The following MYO3B variants were observed in gnomAD, a reference collection of about 807,000 sequenced individuals.
The protein encoded by MYO3B is myosin-IIIb.
In MYO3B, 156 loss-of-function variants were observed where a neutral mutation model predicts 174.6. The ratio of observed to expected loss-of-function variants is 0.89; its 90% confidence interval spans 0.78 to 1.02. The LOEUF is 1.02. Among genes scored for constraint, MYO3B ranks in the 50% least tolerant of loss-of-function variants. MYO3B has a pLI of 0.00. For missense variants in MYO3B, 1,632 were observed against 1,639.4 expected, an observed-to-expected ratio of 1.00 and a Z score of 0.08; for synonymous variants, 563 against 569.1, an observed-to-expected ratio of 0.99 and a Z score of 0.15.
chr2:170,239,122 G>C (rs1280532133), intron 7 of MYO3B, among the ~76,000 whole-genome samples: 1 of 152,152 alleles, frequency 6.6e-6, no homozygotes, highest in Non-Finnish European at 1.5e-5. Context: ...TTCCCCAGGA[G>C]TTATAAGAGA....
In MYO3B at chr2:170,335,390, C is replaced by T. The variant is rs144721721; in HGVS notation, c.755C>T (p.Pro252Leu). ...AATTGCTGTTATTTTTTCAGAAATCCTCCACCTACTTTACTTCATCCAGAA... is the reference window on the plus strand; with the variant it reads ...AATTGCTGTTATTTTTTCAGAAATCTTCCACCTACTTTACTTCATCCAGAA... ...VKTLFKIPRN[P>L]PPTLLHPEKW... Residue 252 changes from proline to leucine, a missense_variant, in exon 8 of 35, where the codon CCT becomes CTT. Pro to Leu is a moderately conservative substitution (Grantham distance 98). Coordinates refer to ENST00000408978, the MANE Select transcript of MYO3B (RefSeq NM_138995.5). 61 of 1,607,894 alleles carry T rather than the reference C, an allele frequency of 3.8e-5. No homozygotes were observed. In the East Asian group the frequency reaches 9.2e-4, roughly 24 times the overall value.
At chr2:170,387,025 G>C in intron 13 of MYO3B, 81 bp from the exon 14 acceptor site, 1 of 1,374,936 alleles carries the variant, frequency 7.3e-7, no homozygotes, top group Non-Finnish European at 1.0e-6. Context: ...GTGGATTTTG[G>C]TGGGCAAGGG....
At chr2:170,207,508 C>T (rs367984878) in intron 3 of MYO3B, among the ~76,000 whole-genome samples, 15 of 152,016 alleles carry the variant, frequency 9.9e-5, no homozygotes, top group South Asian at 8.3e-4. Flanking sequence ...TTTCTGCCAT[C>T]GTGTCAGGCT....
chr2:170,605,618 G>A (rs906632430), intron 32 of MYO3B, among the ~76,000 whole-genome samples: 2 of 152,162 alleles, frequency 1.3e-5, no homozygotes, highest in African/African-American at 2.4e-5. Flanking sequence ...AGCACTTTGG[G>A]AGGCGAGGTG....
intron 9 of MYO3B, among the ~76,000 whole-genome samples, chr2:170,375,984 G>C (rs1450746988): frequency 6.6e-6 from 1 of 152,146 alleles, no homozygotes; most frequent in East Asian, 1.9e-4. Flanking sequence ...TTTTATGCTG[G>C]TGTTACTGAT....
chr2:170,479,472 T>C (rs1191285762), intron 25 of MYO3B, among the ~76,000 whole-genome samples: 1 of 145,894 alleles, frequency 6.9e-6, no homozygotes, highest in Non-Finnish European at 1.5e-5. Context: ...TACACACACA[T>C]ATATTTTAAA....
intron 7 of MYO3B, among the ~76,000 whole-genome samples, chr2:170,250,291 T>A (rs1444913934): frequency 6.6e-6 from 1 of 152,224 alleles, no homozygotes; most frequent in Non-Finnish European, 1.5e-5. Flanking sequence ...TTGTTCACAA[T>A]TGATAAGAAA....
chr2:170,561,730 C>CT (rs1691724184), intron 32 of MYO3B, among the ~76,000 whole-genome samples: 1 of 152,142 alleles, frequency 6.6e-6, no homozygotes. Flanking sequence ...GTAGATTGCT[C>CT]TTTTTTGGTT....
intron 32 of MYO3B, among the ~76,000 whole-genome samples, chr2:170,556,056 C>T (rs943610970): frequency 3.3e-5 from 5 of 151,930 alleles, no homozygotes; most frequent in South Asian, 2.1e-4. Flanking sequence ...ATTAGCTGGG[C>T]GTAATAGCAC....
chr2:170,627,834 G>C (rs1696589070), intron 32 of MYO3B, among the ~76,000 whole-genome samples: 1 of 152,208 alleles, frequency 6.6e-6, no homozygotes, highest in African/African-American at 2.4e-5. Flanking sequence ...CTGTTTGCCT[G>C]GGTATCACCA....
intron 23 of MYO3B, among the ~76,000 whole-genome samples, chr2:170,452,221 T>A (rs954290324): frequency 6.6e-6 from 1 of 151,910 alleles, no homozygotes; most frequent in African/African-American, 2.4e-5. Context: ...TCAGGTAACA[T>A]AACGTAAAAC....
At chr2:170,532,677 A>C (rs11676814) in intron 30 of MYO3B, among the ~76,000 whole-genome samples, 2 of 152,014 alleles carry the variant, frequency 1.3e-5, no homozygotes, top group Admixed American at 6.6e-5. Flanking sequence ...TTAGTCAGGC[A>C]TGGTGGCAGA....
intron 7 of MYO3B, among the ~76,000 whole-genome samples, chr2:170,298,728 A>G (rs955121363): frequency 1.1e-4 from 17 of 148,126 alleles, no homozygotes. Flanking sequence ...CTGGCATGGG[A>G]GTTTTGGATG....
At position 170,386,246 on chromosome 2, in the gene MYO3B, G is replaced by C. The variant is rs61735741; in HGVS notation, c.1348G>C (p.Val450Leu). The change falls in exon 13 of 35, where the codon GTT becomes CTT. Residue 450 changes from valine (V) to leucine (L), a missense_variant. By Grantham distance (32) the Val-to-Leu change is conservative (BLOSUM62 1). Transcript: ENST00000408978. ...GAAGACAGAAAGCGCCCACCTGATT[G>C]TTCAGCATTTGACTTTCTTGGGAAA... ...SGKTESAHLI[V>L]QHLTFLGKAN... 10 of 1,613,612 alleles carry C rather than the reference G, an allele frequency of 6.2e-6. No homozygotes were observed. The South Asian group carries it at 9.9e-5, about 16-fold the overall frequency.
At chr2:170,629,463 A>T (rs1559176953) in intron 32 of MYO3B, among the ~76,000 whole-genome samples, 1 of 152,218 alleles carries the variant, frequency 6.6e-6, no homozygotes, top group East Asian at 1.9e-4. Flanking sequence ...TAAAAGTACC[A>T]TCACCATCTA....
intron 23 of MYO3B, among the ~76,000 whole-genome samples, chr2:170,461,034 C>T (rs1684250313): frequency 6.6e-6 from 1 of 152,126 alleles, no homozygotes; most frequent in Admixed American, 6.6e-5. Context: ...TCATAAACAT[C>T]TACCAATAGA....
chr2:170,419,812 A>G (rs1202596312), intron 22 of MYO3B, among the ~76,000 whole-genome samples: 1 of 152,192 alleles, frequency 6.6e-6, no homozygotes, highest in African/African-American at 2.4e-5. Context: ...CAAGCCCGTG[A>G]AAGCCATACA....
chr2:170,180,221 C>T (rs542341490), intron 1 of MYO3B: 6 of 431,722 alleles, frequency 1.4e-5, no homozygotes, highest in South Asian at 6.6e-5. Flanking sequence ...TCAGGGTATT[C>T]AACAAGGGAT....
At position 170,537,537 on chromosome 2, in the gene MYO3B, C is replaced by T. The variant is rs1023941241; in HGVS notation, c.3576-5369C>T. On this transcript the variant is annotated intron_variant, in intron 30 of 34. Coordinates refer to ENST00000408978, the MANE Select transcript of MYO3B (RefSeq NM_138995.5). Reference sequence around the variant, plus strand: ...CATAGCTCACTGCAGCCTCGACCTCCCTGGGCCCAGATGATCCTCCCACCC... The same window carrying T: ...CATAGCTCACTGCAGCCTCGACCTCTCTGGGCCCAGATGATCCTCCCACCC... 6.2e-5 allele frequency among the ~76,000 whole-genome samples: 9 copies of T among 144,636 alleles called. No homozygotes were observed. The South Asian group carries it at 8.8e-4, about 14-fold the overall frequency. The allele number at this position is 144,636 out of a possible 152,430, so 94.9% of individuals were successfully genotyped here. A position where few individuals can be genotyped will look rare whatever the true frequency, so the allele number is the denominator to read the frequency against.
Sources: allele counts gnomAD v4.1 joint callset (sites outside exome capture counted in the v4.1 genomes callset), GRCh38; gene constraint gnomAD v4.1.1; transcripts MANE v1.5; gene names NCBI Gene and HGNC (gene_info 2026-07-23, HGNC 2026-07-21).